The following RORA variants were observed in gnomAD, a reference collection of about 807,000 sequenced individuals.
RORA encodes the protein nuclear receptor ROR-alpha.
In RORA, 7 loss-of-function variants were observed where a neutral mutation model predicts 69.5. That is an observed-to-expected ratio of 0.10 (90% CI 0.06 to 0.19). The LOEUF is 0.19. Ranked by LOEUF, RORA falls within the 10% of genes least tolerant of loss-of-function variation. RORA has a pLI of 1.00. For synonymous variants in RORA, 261 were observed against 240.8 expected, an observed-to-expected ratio of 1.08 and a Z score of -0.78; for missense variants, 457 against 663.0, an observed-to-expected ratio of 0.69 and a Z score of 3.41.
chr15:60,952,096 T>C lies in RORA; in HGVS notation c.167-273410A>G, dbSNP rs575972993. Among the ~76,000 whole-genome samples, 101 of 150,822 alleles carry C rather than the reference T, an allele frequency of 6.7e-4. 1 individual carries two copies. The highest frequency in any genetic ancestry group is 6.8e-3 in the Middle Eastern group (2 of 294). On this transcript the variant is annotated intron_variant, in intron 1 of 10. Transcript: ENST00000335670. ...ACATCAAAAAGCTTATCCACCATGA[T>C]CAAGTGGGCTTCATCCCTGGGATGC...
chr15:60,503,590 G>A lies in RORA; in HGVS notation c.1020C>T (p.Arg340=), dbSNP rs201814358. 1.1e-5 allele frequency: 18 copies of A among 1,613,954 alleles called. No homozygotes were observed. Among genetic ancestry groups the A allele is most frequent in the Non-Finnish European group, 1.4e-5 (17 of 1,179,978 alleles). The change falls in exon 7 of 11, where the codon CGC becomes CGT. Residue 340 remains arginine, a synonymous_variant. Transcript: ENST00000335670. Reference sequence around the variant, plus strand: ...GACACAGTTCCATAAATCCATCAATGCGTTTGGCAAACTCCACCACATACT... The same window carrying A: ...GACACAGTTCCATAAATCCATCAATACGTTTGGCAAACTCCACCACATACT... ...AIQYVVEFAK[R]IDGFMELCQN...
chr15:60,544,595 A>G (rs17270216), intron 2 of RORA, among the ~76,000 whole-genome samples: 26,788 of 152,154 alleles, frequency 0.18, 2,599 homozygotes, highest in Middle Eastern at 0.27. Flanking sequence ...ACACCATGCT[A>G]ATACGCTGTT....
chr15:61,025,959 T>A (rs986293099), intron 1 of RORA, among the ~76,000 whole-genome samples: 1 of 152,168 alleles, frequency 6.6e-6, no homozygotes, highest in African/African-American at 2.4e-5. Context: ...CCTAAAGGAT[T>A]TCAGGCTCAT....
rs575208726 is a variant in RORA, at chr15:60,668,762, T to C, written c.196+9895A>G. Among the ~76,000 whole-genome samples the C allele has an allele frequency of 6.6e-5, 10 of 152,352 alleles. No individual in the cohort carries two copies. In the South Asian group the frequency reaches 1.9e-3, roughly 28 times the overall value. On this transcript the variant is annotated intron_variant, in intron 2 of 10. Transcript: ENST00000335670. The stretch of plus-strand genomic sequence containing the variant: ...TAAATTAACTCAATATGATTCATTA[T>C]ACTGGAGACTAAGAACACGCAGCCA...
intron 1 of RORA, among the ~76,000 whole-genome samples, chr15:60,888,326 G>A (rs2073774546): frequency 1.3e-5 from 2 of 152,236 alleles, no homozygotes; most frequent in Admixed American, 6.5e-5. Flanking sequence ...AAGGGCAGCA[G>A]GCCGGTGGGC....
intron 1 of RORA, among the ~76,000 whole-genome samples, chr15:60,854,485 C>A (rs1281511637): frequency 6.6e-6 from 1 of 152,114 alleles, no homozygotes; most frequent in East Asian, 1.9e-4. Context: ...TAAACAGAAT[C>A]TGCAAAATGC....
At chr15:60,995,176 CT>C (rs893554011) in intron 1 of RORA, among the ~76,000 whole-genome samples, 18 of 151,784 alleles carry the variant, frequency 1.2e-4, no homozygotes, top group African/African-American at 4.1e-4. Context: ...TAAAAGCTTT[CT>C]TTTTTTTTCT....
At chr15:60,922,320 T>C (rs930014933) in intron 1 of RORA, among the ~76,000 whole-genome samples, 2 of 152,152 alleles carry the variant, frequency 1.3e-5, no homozygotes, top group Non-Finnish European at 2.9e-5. Context: ...ACATAAACTA[T>C]GCAATTTGGG....
chr15:60,603,664 A>G (rs1378516487), intron 2 of RORA, among the ~76,000 whole-genome samples: 1 of 152,202 alleles, frequency 6.6e-6, no homozygotes, highest in African/African-American at 2.4e-5. Flanking sequence ...TTGTTGATTC[A>G]ATAACATTGC....
rs200572797 is a variant in RORA, at chr15:60,627,236, A to T, written c.196+51421T>A. 1 of 1,613,908 alleles carries T rather than the reference A, an allele frequency of 6.2e-7. No individual in the cohort carries two copies. The highest frequency in any genetic ancestry group is 1.3e-5 in the African/African-American group (1 of 74,908). On this transcript the variant is annotated intron_variant, in intron 2 of 10. Coordinates refer to ENST00000335670, the MANE Select transcript of RORA (RefSeq NM_134261.3). The stretch of plus-strand genomic sequence containing the variant: ...AAAGAACTTGCTCTCAGTGGCTCTT[A>T]CCTTCTGGCTCCTTCACCTGCAGGT...
At chr15:60,831,599 A>G (rs1446126015) in intron 1 of RORA, among the ~76,000 whole-genome samples, 2 of 152,100 alleles carry the variant, frequency 1.3e-5, no homozygotes, top group African/African-American at 2.4e-5. Flanking sequence ...ACAAAACACC[A>G]TATCCATGCA....
chr15:60,932,686 C>T (rs932791339), intron 1 of RORA, among the ~76,000 whole-genome samples: 1 of 152,174 alleles, frequency 6.6e-6, no homozygotes, highest in African/African-American at 2.4e-5. Flanking sequence ...ACAGCTCCTG[C>T]AAATGACTCA....
intron 2 of RORA, chr15:60,558,400 A>G: frequency 1.4e-6 from 1 of 731,682 alleles, no homozygotes; most frequent in Admixed American, 2.3e-5. Flanking sequence ...GGAACATCTC[A>G]TGACTTTTTT....
intron 1 of RORA, among the ~76,000 whole-genome samples, chr15:60,939,800 C>G (rs74017890): frequency 0.15 from 23,449 of 152,240 alleles, 1,928 homozygotes; most frequent in Admixed American, 0.2. Flanking sequence ...CGGGACAGTG[C>G]CGTTCACTGG....
intron 1 of RORA, among the ~76,000 whole-genome samples, chr15:60,800,021 C>T (rs2072556689): frequency 6.6e-6 from 1 of 152,222 alleles, no homozygotes; most frequent in Non-Finnish European, 1.5e-5. Context: ...TTGTCTATCT[C>T]CTGGGCCTGC....
chr15:60,713,577 C>T (rs537473979), intron 1 of RORA, among the ~76,000 whole-genome samples: 99 of 152,264 alleles, frequency 6.5e-4, no homozygotes, highest in African/African-American at 2.3e-3. Flanking sequence ...CCTCACTTTT[C>T]TCTCCTCCTC....
chr15:60,513,656 T>A (rs892395424), intron 4 of RORA, among the ~76,000 whole-genome samples: 2 of 152,214 alleles, frequency 1.3e-5, no homozygotes, highest in Non-Finnish European at 2.9e-5. Context: ...GTGATTTGTA[T>A]CTTCCAATGT....
At chr15:61,225,899 T>A (rs1331536188) in intron 1 of RORA, among the ~76,000 whole-genome samples, 1 of 152,190 alleles carries the variant, frequency 6.6e-6, no homozygotes. Context: ...TCTTTCATTG[T>A]GTTGTTAAGA....
intron 2 of RORA, among the ~76,000 whole-genome samples, chr15:60,538,248 G>C (rs1463873855): frequency 1.3e-5 from 2 of 152,180 alleles, no homozygotes; most frequent in East Asian, 3.8e-4. Context: ...ATTCAGCTAA[G>C]AGGTGGAGTT....
Sources: gnomAD v4.1 joint callset for allele counts (sites outside exome capture counted in the v4.1 genomes callset) on GRCh38, gnomAD v4.1.1 for gene constraint, MANE v1.5 for transcripts, NCBI Gene and HGNC (gene_info 2026-07-23, HGNC 2026-07-21) for gene names.